Variants in PPARGC1A observed in about 807,000 individuals in gnomAD.
The protein encoded by PPARGC1A is peroxisome proliferator-activated receptor gamma coactivator 1-alpha.
In PPARGC1A, 25 loss-of-function variants were observed where a neutral mutation model predicts 88.7. The observed-to-expected ratio is 0.28, with a 90% CI of 0.21 to 0.39. The LOEUF (loss-of-function observed/expected upper bound fraction) is 0.39, where lower values mean the gene tolerates loss of function less well. Among genes scored for constraint, PPARGC1A ranks in the 10% least tolerant of loss-of-function variants. The probability of loss-of-function intolerance (pLI) is 1.00; values close to 1 mark genes in which losing one functional copy is unlikely to be tolerated. For synonymous variants in PPARGC1A, 363 were observed against 355.6 expected (o/e 1.02, Z -0.24); for missense variants, 880 against 968.7 (o/e 0.91, Z 1.22).
At chr4:23,821,298 G>A (rs757106417) in intron 7 of PPARGC1A, among the ~76,000 whole-genome samples, 19 of 152,140 alleles carry the variant, frequency 1.2e-4, no homozygotes, top group Non-Finnish European at 2.2e-4. Flanking sequence ...TGGGCAGAAA[G>A]TAAGGAAGAT....
At chr4:24,381,016 T>C in the PPARGC1A span, among the ~76,000 whole-genome samples, 8 of 148,244 alleles carry the variant, frequency 5.4e-5, no homozygotes, top group Non-Finnish European at 8.9e-5. Context: ...GGAATCACCA[T>C]AGAAGATTGG....
the PPARGC1A span, among the ~76,000 whole-genome samples, chr4:24,192,163 G>GA: frequency 6.6e-6 from 1 of 152,182 alleles, no homozygotes; most frequent in East Asian, 1.9e-4. Context: ...AATGGAGTGG[G>GA]AAAAATGTTG....
chr4:23,828,336 C>A (rs1724361372), intron 5 of PPARGC1A, 64 bp downstream of exon 5: 3 of 1,505,770 alleles, frequency 2.0e-6, no homozygotes, highest in Non-Finnish European at 2.8e-6. Flanking sequence ...TGTTCTCAGA[C>A]TTTGCATGTG....
chr4:24,120,223 A>T, the PPARGC1A span, among the ~76,000 whole-genome samples: 2 of 152,152 alleles, frequency 1.3e-5, no homozygotes, highest in Non-Finnish European at 2.9e-5. Flanking sequence ...TCTGCTTCCC[A>T]AACTCCGAGT....
chr4:24,063,669 C>G, the PPARGC1A span, among the ~76,000 whole-genome samples: 1 of 152,254 alleles, frequency 6.6e-6, no homozygotes, highest in South Asian at 2.1e-4. Flanking sequence ...GCATCAAATT[C>G]AATGAGAAAG....
chr4:24,285,346 TC>T, the PPARGC1A span, among the ~76,000 whole-genome samples: 4 of 152,212 alleles, frequency 2.6e-5, no homozygotes, highest in African/African-American at 9.6e-5. Context: ...GTTCCTCAGA[TC>T]CTTTTTCCAC....
chr4:23,831,391 T>C (rs1724977326), intron 3 of PPARGC1A, 166 bp downstream of exon 3: 1 of 572,474 alleles, frequency 1.7e-6, no homozygotes, highest in East Asian at 2.8e-5. Context: ...TTATCAACAC[T>C]TTTAAACAGA....
intron 2 of PPARGC1A, among the ~76,000 whole-genome samples, chr4:23,853,264 G>T (rs1729627908): frequency 6.6e-6 from 1 of 152,074 alleles, no homozygotes; most frequent in Admixed American, 6.6e-5. Flanking sequence ...TCTTTTAAAG[G>T]GGGAAAAGTG....
the PPARGC1A span, among the ~76,000 whole-genome samples, chr4:23,943,401 A>ATTTT: frequency 6.7e-6 from 1 of 149,316 alleles, no homozygotes. Flanking sequence ...TTTTTTTTCT[A>ATTTT]AATACATACC....
At chr4:24,237,261 T>G in the PPARGC1A span, among the ~76,000 whole-genome samples, 5 of 152,174 alleles carry the variant, frequency 3.3e-5, no homozygotes, top group African/African-American at 1.2e-4. Flanking sequence ...TTTTTAGATT[T>G]TTTAAAGAAA....
chr4:23,935,773 G>C, the PPARGC1A span, among the ~76,000 whole-genome samples: 1 of 152,044 alleles, frequency 6.6e-6, no homozygotes, highest in Non-Finnish European at 1.5e-5. Context: ...GCAAAATCAG[G>C]AAGTCAGGAT....
chr4:24,410,333 C>T, the PPARGC1A span, among the ~76,000 whole-genome samples: 1 of 151,940 alleles, frequency 6.6e-6, no homozygotes, highest in Non-Finnish European at 1.5e-5. Context: ...ACGTATTTTC[C>T]TACATATACA....
the PPARGC1A span, among the ~76,000 whole-genome samples, chr4:24,056,992 T>G: frequency 6.6e-6 from 1 of 152,156 alleles, no homozygotes; most frequent in Non-Finnish European, 1.5e-5. Context: ...TAAAAAGAGA[T>G]ATCTTTACAC....
At chr4:24,148,496 C>T in the PPARGC1A span, among the ~76,000 whole-genome samples, 11 of 152,170 alleles carry the variant, frequency 7.2e-5, no homozygotes, top group Admixed American at 4.6e-4. Flanking sequence ...TGTGGAGCAA[C>T]TACTATGTGA....
chr4:24,430,253 T>TTTG, the PPARGC1A span, among the ~76,000 whole-genome samples: 1 of 138,546 alleles, frequency 7.2e-6, no homozygotes, highest in East Asian at 2.1e-4. Flanking sequence ...TATTTTGTAT[T>TTTG]TCTTTTTTTT....
chr4:23,911,137 G>A, the PPARGC1A span, among the ~76,000 whole-genome samples: 72 of 152,216 alleles, frequency 4.7e-4, no homozygotes, highest in East Asian at 1.9e-4. Context: ...AGGACATAGT[G>A]AAATGCAACA....
chr4:24,203,001 G>T, the PPARGC1A span, among the ~76,000 whole-genome samples: 1 of 152,150 alleles, frequency 6.6e-6, no homozygotes, highest in Non-Finnish European at 1.5e-5. Flanking sequence ...CCAGAAAGAG[G>T]CTCTTTCTCC....
chr4:23,829,413 C>A, intron 4 of PPARGC1A, 50 bp downstream of exon 4: 3 of 1,594,898 alleles, frequency 1.9e-6, no homozygotes, highest in Non-Finnish European at 2.6e-6. Flanking sequence ...CTGCTTCAAG[C>A]CAAAATCCTT....
the PPARGC1A span, among the ~76,000 whole-genome samples, chr4:24,305,245 A>G: frequency 6.6e-6 from 1 of 150,804 alleles, no homozygotes; most frequent in African/African-American, 2.4e-5. Flanking sequence ...GCATGATCAT[A>G]TATATAATAT....
Sources: gnomAD v4.1 joint callset for allele counts (sites outside exome capture counted in the v4.1 genomes callset) on GRCh38, gnomAD v4.1.1 for gene constraint, MANE v1.5 for transcripts, NCBI Gene and HGNC (gene_info 2026-07-23, HGNC 2026-07-21) for gene names.